The following LRGUK variants were observed in gnomAD, a reference collection of about 807,000 sequenced individuals.
LRGUK encodes leucine-rich repeat and guanylate kinase domain-containing protein.
A neutral mutation model predicts 76.0 loss-of-function variants in LRGUK; 65 were observed. The ratio of observed to expected loss-of-function variants is 0.85; its 90% CI spans 0.70 to 1.05. The LOEUF is 1.05. Ranked by LOEUF, LRGUK falls within the 50% of genes least tolerant of loss-of-function variation. LRGUK has a pLI of 0.00. For synonymous variants in LRGUK, 268 were observed against 265.6 expected, an observed-to-expected ratio of 1.01 and a Z score of -0.09; for missense variants, 758 against 732.8, an observed-to-expected ratio of 1.03 and a Z score of -0.40.
chr7:134,217,737 T>C (rs1384080638), intron 15 of LRGUK, among the ~76,000 whole-genome samples: 2 of 152,228 alleles, frequency 1.3e-5, no homozygotes, highest in Non-Finnish European at 1.5e-5. Flanking sequence ...CTACAAATTA[T>C]CTATCATATT....
intron 1 of LRGUK, among the ~76,000 whole-genome samples, chr7:134,133,626 TC>T (rs1298517769): frequency 6.6e-6 from 1 of 152,144 alleles, no homozygotes; most frequent in Non-Finnish European, 1.5e-5. Context: ...GAGATTTTTT[TC>T]CCCCTGATGA....
chr7:134,130,745 C>T (rs936954501), intron 1 of LRGUK, among the ~76,000 whole-genome samples: 4 of 152,150 alleles, frequency 2.6e-5, no homozygotes, highest in African/African-American at 4.8e-5. Context: ...CCTTAAACCT[C>T]GGAAGCCCTT....
chr7:134,176,466 G>A (rs750082178), intron 8 of LRGUK, among the ~76,000 whole-genome samples: 1 of 151,994 alleles, frequency 6.6e-6, no homozygotes, highest in Non-Finnish European at 1.5e-5. Context: ...TGCAAGCTCC[G>A]CCTCCTGGGT....
At chr7:134,203,956 G>A (rs1800894915) in intron 15 of LRGUK, among the ~76,000 whole-genome samples, 1 of 152,190 alleles carries the variant, frequency 6.6e-6, no homozygotes, top group Non-Finnish European at 1.5e-5. Context: ...ACCTGCTCCT[G>A]TCGGGGCTGT....
chr7:134,189,574 G>T (rs1315588519), intron 11 of LRGUK, among the ~76,000 whole-genome samples: 1 of 152,136 alleles, frequency 6.6e-6, no homozygotes, highest in Non-Finnish European at 1.5e-5. Context: ...GCTTCAAATT[G>T]CTCCTTTGTT....
At chr7:134,129,916 C>G (rs1192019960) in intron 1 of LRGUK, among the ~76,000 whole-genome samples, 3 of 152,118 alleles carry the variant, frequency 2.0e-5, no homozygotes, top group Non-Finnish European at 4.4e-5. Context: ...CAACTCCTTT[C>G]CTCATTTGTC....
At chr7:134,162,544 C>T (rs401417) in intron 6 of LRGUK, among the ~76,000 whole-genome samples, 2 of 152,058 alleles carry the variant, frequency 1.3e-5, no homozygotes, top group East Asian at 1.9e-4. Flanking sequence ...GAGGGGACCA[C>T]GGCCAGGTGC....
chr7:134,152,097 A>G (rs1007107008), intron 5 of LRGUK, among the ~76,000 whole-genome samples: 2 of 152,088 alleles, frequency 1.3e-5, no homozygotes, highest in East Asian at 3.8e-4. Context: ...AGAACATAAA[A>G]GTCATTCTTT....
intron 16 of LRGUK, among the ~76,000 whole-genome samples, chr7:134,244,478 G>A (rs1022115643): frequency 1.3e-5 from 2 of 152,198 alleles, no homozygotes; most frequent in Non-Finnish European, 2.9e-5. Context: ...GGCCATCAGA[G>A]AAATGCAAAT....
chr7:134,165,205 A>T (rs904506068), intron 7 of LRGUK, among the ~76,000 whole-genome samples: 1 of 152,204 alleles, frequency 6.6e-6, no homozygotes, highest in Non-Finnish European at 1.5e-5. Flanking sequence ...GTACTTATGT[A>T]CCAGGCACTT....
intron 11 of LRGUK, among the ~76,000 whole-genome samples, chr7:134,188,891 A>G (rs1056686027): frequency 2.0e-5 from 3 of 152,294 alleles, no homozygotes; most frequent in East Asian, 1.9e-4. Context: ...CTAAATCTGC[A>G]TGCGTCTGAA....
downstream of LRGUK, among the ~76,000 whole-genome samples, chr7:134,265,839 C>T (rs144095000): frequency 3.6e-3 from 541 of 152,310 alleles, 4 homozygotes; most frequent in African/African-American, 0.012. Flanking sequence ...AACCTCTTCT[C>T]CTTCCCACTG....
chr7:134,202,394 G>A (rs1175291448), intron 15 of LRGUK, among the ~76,000 whole-genome samples: 1 of 152,044 alleles, frequency 6.6e-6, no homozygotes, highest in East Asian at 1.9e-4. Context: ...ATTGGCAGGA[G>A]TGTAAAATGG....
chr7:134,234,445 A>G (rs1801971043), intron 16 of LRGUK, among the ~76,000 whole-genome samples: 1 of 152,170 alleles, frequency 6.6e-6, no homozygotes, highest in Non-Finnish European at 1.5e-5. Flanking sequence ...GTGATGTACT[A>G]GAACCCTTCC....
At chr7:134,270,394 T>C in the LRGUK span, among the ~76,000 whole-genome samples, 3 of 152,106 alleles carry the variant, frequency 2.0e-5, no homozygotes, top group African/African-American at 4.8e-5. Context: ...AAAAGAATAA[T>C]ATAATAAAAC....
chr7:134,247,486 T>C, intron 16 of LRGUK, 70 bp from the exon 17 acceptor site: 1 of 1,133,088 alleles, frequency 8.8e-7, no homozygotes, highest in Non-Finnish European at 1.3e-6. Flanking sequence ...CAAAGAGAAT[T>C]ATTATAGATG....
chr7:134,135,971 T>C (rs1428169974), intron 1 of LRGUK, among the ~76,000 whole-genome samples: 2 of 152,184 alleles, frequency 1.3e-5, no homozygotes, highest in Non-Finnish European at 2.9e-5. Context: ...CTCTTTATCA[T>C]AGCACAAGCC....
At chr7:134,189,471 G>C (rs945653035) in intron 11 of LRGUK, among the ~76,000 whole-genome samples, 1 of 152,080 alleles carries the variant, frequency 6.6e-6, no homozygotes, top group African/African-American at 2.4e-5. Context: ...ATCATCTTAG[G>C]TTCTTCTTAA....
At position 134,247,552 on chromosome 7, in the gene LRGUK, C is replaced by G; in HGVS notation, c.1984-4C>G. ...GCAATTTTCTAATGACATTTCTTAC[C>G]TAGGAAAGAGATTCTATACACAGAC... On this transcript the variant is annotated splice_region_variant and splice_polypyrimidine_tract_variant and intron_variant, in intron 16 of 19. Transcript: ENST00000285928. The G allele has an allele frequency of 6.2e-7, 1 of 1,606,828 alleles. No homozygotes were observed. The highest frequency in any genetic ancestry group is 8.5e-7 in the Non-Finnish European group (1 of 1,174,966).
Sources: allele counts gnomAD v4.1 joint callset (sites outside exome capture counted in the v4.1 genomes callset), GRCh38; gene constraint gnomAD v4.1.1; transcripts MANE v1.5; gene names NCBI Gene and HGNC (gene_info 2026-07-23, HGNC 2026-07-21).